The following IKBKE variants were observed in gnomAD, a reference collection of about 807,000 sequenced individuals.
IKBKE encodes inhibitor of nuclear factor kappa-B kinase subunit epsilon.
A neutral mutation model predicts 92.1 loss-of-function variants in IKBKE; 45 were observed. That is an observed-to-expected ratio of 0.49 (90% CI 0.38 to 0.63). The LOEUF (loss-of-function observed/expected upper bound fraction) is 0.63, where lower values mean the gene tolerates loss of function less well. IKBKE is among the 20% of genes least tolerant of loss of function. The pLI is 0.00. For missense variants in IKBKE, 700 were observed against 932.8 expected (o/e 0.75, Z 3.25); for synonymous variants, 374 against 380.3 (o/e 0.98, Z 0.19).
chr1:206,472,902 A>G, intron 2 of IKBKE: 1 of 374,302 alleles, frequency 2.7e-6, no homozygotes, highest in Non-Finnish European at 4.9e-6. Context: ...CTGCAGAATG[A>G]CCTGCCTCAG....
Position 206,478,814 on chromosome 1 carries a change from C to A in IKBKE, c.993-129C>A. ...ACCCTTGATGACAGAGAAAACCACC[C>A]CCGTCCCTCCCTCTGCAAAACAGAG... is the stretch of plus-strand genomic sequence containing the variant. On this transcript the variant is annotated intron_variant, in intron 9 of 21. Coordinates refer to ENST00000581977, the MANE Select transcript of IKBKE (RefSeq NM_014002.4). The surrounding 1 kb of genome is among the most constrained non-coding windows in gnomAD (Gnocchi z 4.8). The A allele has an allele frequency of 1.3e-6, 1 of 747,192 alleles. No homozygotes were observed. Among genetic ancestry groups the A allele is most frequent in the Non-Finnish European group, 2.4e-6 (1 of 422,204 alleles). The allele number at this position is 747,192 out of a possible 1,614,324, so 46.3% of individuals were successfully genotyped here. A position where few individuals can be genotyped will look rare whatever the true frequency, so the allele number is the denominator to read the frequency against.
intron 16 of IKBKE, among the ~76,000 whole-genome samples, chr1:206,489,505 C>A (rs1665841980): frequency 6.6e-6 from 1 of 151,246 alleles, no homozygotes; most frequent in South Asian, 2.1e-4. Context: ...GAGTTCAAGA[C>A]CAGCCTGGGC....
At chr1:206,480,263 G>T (rs1665302890) in intron 12 of IKBKE, 150 bp downstream of exon 12, 1 of 503,536 alleles carries the variant, frequency 2.0e-6, no homozygotes. Flanking sequence ...AGAGGGAGGT[G>T]GGCAGAGAGG....
chr1:206,489,369 G>GTGTATATATATATATATATA (rs1452670242), intron 16 of IKBKE, among the ~76,000 whole-genome samples: 1 of 119,210 alleles, frequency 8.4e-6, no homozygotes. Flanking sequence ...GTGTGTGTGT[G>GTGTATATATATATATATATA]TATATATATA....
intron 16 of IKBKE, among the ~76,000 whole-genome samples, chr1:206,489,710 A>G (rs1665853009): frequency 6.6e-6 from 1 of 152,074 alleles, no homozygotes; most frequent in South Asian, 2.1e-4. Context: ...ACCCTGTCTC[A>G]AACAACAACA....
Position 206,477,739 on chromosome 1 carries a change from C to T in IKBKE, c.702-10C>T. ...TGGGGATCCCGCTGACCTGGCCTTC[C>T]TCCCCGCAGGTACCGGATCACCACG... is the stretch of plus-strand genomic sequence containing the variant. On this transcript the variant is annotated splice_polypyrimidine_tract_variant and intron_variant, in intron 7 of 21. Transcript: ENST00000581977. The T allele has an allele frequency of 1.3e-6, 2 of 1,532,990 alleles. No individual in the cohort carries two copies. The highest frequency in any genetic ancestry group is 1.8e-6 in the Non-Finnish European group (2 of 1,132,112). The allele number at this position is 1,532,990 out of a possible 1,614,324, so 95.0% of individuals were successfully genotyped here.
chr1:206,476,732 G>C lies in IKBKE; in HGVS notation c.595G>C (p.Gly199Arg), dbSNP rs1451035448. The change falls in exon 7 of 22, where the codon GGG (glycine) becomes CGG (arginine). Residue 199 changes from glycine to arginine, a missense_variant. Gly to Arg is a moderately radical substitution (Grantham distance 125). Coordinates refer to ENST00000581977, the MANE Select transcript of IKBKE (RefSeq NM_014002.4). This position sits in a 1 kb window ranked among gnomAD's most constrained non-coding sequence, Gnocchi z 5.1. ...TCGAAAGCCCCAGCAAAAAGCGTTC[G>C]GGGTGACTGTGGATCTCTGGAGCAT... is the stretch of plus-strand genomic sequence containing the variant. Reference protein sequence around the residue: ...VLRKPQQKAFGVTVDLWSIGV... With the variant: ...VLRKPQQKAFRVTVDLWSIGV... The C allele has an allele frequency of 6.2e-7, 1 of 1,614,100 alleles. No homozygotes were observed. The highest frequency in any genetic ancestry group is 8.5e-7 in the Non-Finnish European group (1 of 1,180,044).
At position 206,490,765 on chromosome 1, in the gene IKBKE, ACT is replaced by A; in HGVS notation, c.1694-53_1694-52del. 6.4e-7 allele frequency: 1 copy of A among 1,573,128 alleles called. No individual in the cohort carries two copies. The highest frequency in any genetic ancestry group is 8.8e-7 in the Non-Finnish European group (1 of 1,142,674). On this transcript the variant is annotated intron_variant, in intron 16 of 21. Transcript: ENST00000581977. The surrounding 1 kb of genome is among the most constrained non-coding windows in gnomAD (Gnocchi z 5.2). ...AACTGTCTCTCGACCTTTGCTGCAC[ACT>A]GTTTCGTTGACTGATTGAATAGGTG...
In IKBKE at chr1:206,476,985, T is replaced by C. The variant is rs564777526; in HGVS notation, c.701+147T>C. 147 of 822,832 alleles carry C rather than the reference T, an allele frequency of 1.8e-4. 3 individuals carry two copies. In the South Asian group the frequency reaches 2.5e-3, roughly 14 times the overall value. 51.0% of individuals were successfully genotyped at this position (822,832 alleles called of 1,614,324 possible). Reference sequence around the variant, plus strand: ...CAACCCAGGCTCTTTGTAGATCTTTTTTTGTTAATGGGATCAAACAAGCAG... The same window carrying C: ...CAACCCAGGCTCTTTGTAGATCTTTCTTTGTTAATGGGATCAAACAAGCAG... On this transcript the variant is annotated intron_variant, in intron 7 of 21. Coordinates refer to ENST00000581977, the MANE Select transcript of IKBKE (RefSeq NM_014002.4). This position sits in a 1 kb window ranked among gnomAD's most constrained non-coding sequence, Gnocchi z 5.1.
Position 206,480,094 on chromosome 1 carries a change from C to CG in IKBKE, c.1326dup (p.Leu443AlafsTer33). On this transcript the variant is annotated frameshift_variant, in exon 12 of 22. Coordinates refer to ENST00000581977, the MANE Select transcript of IKBKE (RefSeq NM_014002.4). LOFTEE classifies it high-confidence loss of function. Reference sequence around the variant, plus strand: ...GCTGGATGGGCAGGAGCTAATGTTTCGGGGGCTGCACTGGGTCATGTGAGT... The same window carrying CG: ...GCTGGATGGGCAGGAGCTAATGTTTCGGGGGGCTGCACTGGGTCATGTGAGT... 6.3e-7 allele frequency: 1 copy of CG among 1,583,470 alleles called. No individual in the cohort carries two copies. Among genetic ancestry groups the CG allele is most frequent in the Non-Finnish European group, 8.6e-7 (1 of 1,167,876 alleles).
Position 206,476,562 on chromosome 1 carries a change from AAAG to A in IKBKE, c.541-112_541-110del. On this transcript the variant is annotated intron_variant, in intron 6 of 21. Transcript: ENST00000581977. This position sits in a 1 kb window ranked among gnomAD's most constrained non-coding sequence, Gnocchi z 5.1. ...GGCTGACACCCATTTTTAAGATGAC[AAAG>A]AAGGATTTGAACAGTTCTGTTTTCA... The A allele has an allele frequency of 5.4e-6, 7 of 1,298,880 alleles. No individual in the cohort carries two copies. The highest frequency in any genetic ancestry group is 7.5e-6 in the Non-Finnish European group (7 of 935,008). The allele number at this position is 1,298,880 out of a possible 1,614,324, so 80.5% of individuals were successfully genotyped here.
In IKBKE at chr1:206,478,207, T is replaced by C; in HGVS notation, c.860T>C (p.Val287Ala). ...CCCATCCTGGCCAACATCCTGGAGG[T>C]GGAGCAGGCCAAGTGCTGGGGCTTC... Reference protein sequence around the residue: ...LVPILANILEVEQAKCWGFDQ... With the variant: ...LVPILANILEAEQAKCWGFDQ... Residue 287 changes from valine to alanine, a missense_variant, in exon 9 of 22, where the codon GTG becomes GCG. Val to Ala is a moderately conservative substitution (Grantham distance 64). Transcript: ENST00000581977. This position sits in a 1 kb window ranked among gnomAD's most constrained non-coding sequence, Gnocchi z 4.8. The C allele has an allele frequency of 6.2e-7, 1 of 1,613,982 alleles. No homozygotes were observed. Among genetic ancestry groups the C allele is most frequent in the South Asian group, 1.1e-5 (1 of 91,078 alleles).
In IKBKE at chr1:206,470,669, C is replaced by T. The variant is rs375118634; in HGVS notation, c.-152C>T. On this transcript the variant is annotated 5_prime_UTR_variant, in exon 1 of 22. Transcript: ENST00000581977. The stretch of plus-strand genomic sequence containing the variant: ...GCTCTGGGGGTGTCACCCAGTCCCA[C>T]AAGCCTGCATCCCCTGCAGTGGAGA... The T allele has an allele frequency of 5.3e-5, 8 of 152,274 alleles. No individual in the cohort carries two copies. The East Asian group carries it at 1.5e-3, about 29-fold the overall frequency. The allele number at this position is 152,274 out of a possible 1,614,324, so 9.4% of individuals were successfully genotyped here.
chr1:206,474,277 G>A, intron 3 of IKBKE, 54 bp from the exon 4 acceptor site: 4 of 1,544,282 alleles, frequency 2.6e-6, no homozygotes, highest in Non-Finnish European at 2.6e-6. Flanking sequence ...CCCTGTGGGA[G>A]TGGGACATGT....
chr1:206,472,906 G>C, intron 2 of IKBKE: 1 of 382,876 alleles, frequency 2.6e-6, no homozygotes, highest in Non-Finnish European at 4.7e-6. Context: ...AGAATGACCT[G>C]CCTCAGGAGG....
At chr1:206,481,061 G>T (rs1483514073) in intron 13 of IKBKE, among the ~76,000 whole-genome samples, 1 of 152,174 alleles carries the variant, frequency 6.6e-6, no homozygotes, top group South Asian at 2.1e-4. Flanking sequence ...CTTGTCTTGG[G>T]CTAATAAGGG....
intron 13 of IKBKE, among the ~76,000 whole-genome samples, chr1:206,481,616 G>A (rs944055888): frequency 3.3e-5 from 5 of 152,272 alleles, no homozygotes; most frequent in Admixed American, 2.0e-4. Flanking sequence ...GGCTCCAGGG[G>A]TAGATGTGGC....
At chr1:206,474,620 A>AG in intron 4 of IKBKE, 149 bp downstream of exon 4, 1 of 570,924 alleles carries the variant, frequency 1.8e-6, no homozygotes, top group Non-Finnish European at 3.0e-6. Flanking sequence ...AAAGGGGGCA[A>AG]GGGGGTGGGG....
rs2103449697 is a variant in IKBKE, at chr1:206,474,487, G to A, written c.228+16G>A. The A allele has an allele frequency of 6.2e-7, 1 of 1,607,702 alleles. No individual in the cohort carries two copies. The highest frequency in any genetic ancestry group is 1.1e-5 in the South Asian group (1 of 90,094). On this transcript the variant is annotated intron_variant, in intron 4 of 21. Transcript: ENST00000581977. ...GGAGGAGACGGTAGGTCCGGTGCTT[G>A]GTCAGAGAATGGTCTTGTCCTTGAC...
Sources: gnomAD v4.1 joint callset for allele counts (sites outside exome capture counted in the v4.1 genomes callset) on GRCh38, gnomAD v4.1.1 for gene constraint, Gnocchi (gnomAD v3.1) non-coding constraint, MANE v1.5 for transcripts, NCBI Gene and HGNC (gene_info 2026-07-23, HGNC 2026-07-21) for gene names.